PPHLN1: variants seen among roughly 807,000 people sequenced by gnomAD.
PPHLN1 encodes periphilin 1.
Under a neutral mutation model 51.3 loss-of-function variants are expected in PPHLN1, and 29 were observed. The ratio of observed to expected loss-of-function variants is 0.57; its 90% CI spans 0.42 to 0.77. The LOEUF is 0.77. PPHLN1 is among the 30% of genes least tolerant of loss of function. The pLI is 0.00. For missense variants in PPHLN1, 436 were observed against 438.4 expected, an observed-to-expected ratio of 0.99 and a Z score of 0.05; for synonymous variants, 147 against 147.8, an observed-to-expected ratio of 0.99 and a Z score of 0.04.
chr12:42,381,901 A>C (rs1380833015), intron 5 of PPHLN1, among the ~76,000 whole-genome samples: 1 of 152,218 alleles, frequency 6.6e-6, no homozygotes, highest in Non-Finnish European at 1.5e-5. Flanking sequence ...CTTGCACTCA[A>C]ATATACCTGT....
At chr12:42,442,587 T>G, downstream of PPHLN1, 2 of 1,610,638 alleles carry the variant, frequency 1.2e-6, no homozygotes, top group Non-Finnish European at 1.7e-6. Context: ...CCCTAGCCAT[T>G]CTTACACAAA....
At chr12:42,446,127 C>CGACACAGCTTCGTCGGA (rs1221554112), downstream of PPHLN1, 14 of 1,570,502 alleles carry the variant, frequency 8.9e-6, no homozygotes, top group Non-Finnish European at 1.2e-5. Context: ...GTTCGTCGGA[C>CGACACAGCTTCGTCGGA]GACACAGCTT....
intron 4 of PPHLN1, among the ~76,000 whole-genome samples, chr12:42,357,649 G>T (rs1018342198): frequency 6.6e-6 from 1 of 152,126 alleles, no homozygotes; most frequent in Non-Finnish European, 1.5e-5. Flanking sequence ...TTAAAAACTA[G>T]ATCAGCTAGT....
At chr12:42,354,670 A>ATCAG (rs953383274) in intron 3 of PPHLN1, among the ~76,000 whole-genome samples, 2 of 142,530 alleles carry the variant, frequency 1.4e-5, no homozygotes, top group African/African-American at 6.2e-5. Flanking sequence ...GATATAGATT[A>ATCAG]TCAATAAGTG....
chr12:42,330,497 C>T (rs2069546956), intron 1 of PPHLN1, among the ~76,000 whole-genome samples: 2 of 152,166 alleles, frequency 1.3e-5, no homozygotes, highest in Non-Finnish European at 2.9e-5. Flanking sequence ...CATTGTGCCC[C>T]TGGTTAATCG....
At chr12:42,432,398 T>C in intron 9 of PPHLN1, 1 of 753,356 alleles carries the variant, frequency 1.3e-6, no homozygotes, top group East Asian at 2.5e-5. Flanking sequence ...AACTTGCACA[T>C]TTCCAATGGT....
chr12:42,367,031 A>G (rs561367998), intron 4 of PPHLN1, among the ~76,000 whole-genome samples: 1 of 152,286 alleles, frequency 6.6e-6, no homozygotes, highest in Admixed American at 6.5e-5. Flanking sequence ...TCAGTTTCAC[A>G]AAATGTTGCA....
chr12:42,389,199 C>T (rs540277719), intron 7 of PPHLN1, among the ~76,000 whole-genome samples: 148 of 151,946 alleles, frequency 9.7e-4, no homozygotes, highest in African/African-American at 3.2e-3. Flanking sequence ...GGTGAAACCC[C>T]GTCTCTACTA....
chr12:42,399,493 T>G (rs773567850), intron 9 of PPHLN1: 102 of 857,282 alleles, frequency 1.2e-4, no homozygotes, highest in Non-Finnish European at 1.4e-4. Context: ...TGGGGTTATT[T>G]TCATTTTATG....
downstream of PPHLN1, chr12:42,446,520 G>T: frequency 1.3e-6 from 2 of 1,559,582 alleles, no homozygotes; most frequent in Non-Finnish European, 1.7e-6. Context: ...CACTCCTGGG[G>T]GTCGCTTCTT....
At chr12:42,335,726 T>A (rs1446248093) in intron 1 of PPHLN1, among the ~76,000 whole-genome samples, 157 bp from the exon 2 acceptor site, 1 of 151,510 alleles carries the variant, frequency 6.6e-6, no homozygotes, top group Non-Finnish European at 1.5e-5. Context: ...CTCAAAATTG[T>A]TTGGAAGAAA....
chr12:42,416,162 A>AAAATCTCGCCTCCTGTAC (rs1333868848), intron 9 of PPHLN1, among the ~76,000 whole-genome samples: 1 of 152,188 alleles, frequency 6.6e-6, no homozygotes, highest in African/African-American at 2.4e-5. Flanking sequence ...GTGTATTTTT[A>AAAATCTCGCCTCCTGTAC]AAATCTCGCC....
chr12:42,364,542 T>C (rs1266897895), intron 4 of PPHLN1, among the ~76,000 whole-genome samples: 1 of 152,080 alleles, frequency 6.6e-6, no homozygotes, highest in Non-Finnish European at 1.5e-5. Context: ...GAGAATTGCT[T>C]GAGCCTGGGA....
At chr12:42,425,596 C>T (rs548593735) in intron 9 of PPHLN1, among the ~76,000 whole-genome samples, 2 of 150,196 alleles carry the variant, frequency 1.3e-5, no homozygotes, top group African/African-American at 4.9e-5. Flanking sequence ...ACCATGTTGG[C>T]CAGGCTGGTC....
At chr12:42,332,840 C>A in intron 1 of PPHLN1, 1 of 515,786 alleles carries the variant, frequency 1.9e-6, no homozygotes, top group Non-Finnish European at 3.4e-6. Context: ...TCATTTATTA[C>A]AAAACCTTAT....
intron 5 of PPHLN1, among the ~76,000 whole-genome samples, chr12:42,376,525 G>A (rs2076277810): frequency 6.6e-6 from 1 of 152,194 alleles, no homozygotes; most frequent in Admixed American, 6.5e-5. Flanking sequence ...AGCAGCTCAT[G>A]CCTGTAATCC....
chr12:42,407,046 A>G (rs2079378362), intron 9 of PPHLN1, among the ~76,000 whole-genome samples: 2 of 152,172 alleles, frequency 1.3e-5, no homozygotes, highest in Admixed American at 6.5e-5. Context: ...ACTCCATTCC[A>G]TTGGTCTGTT....
rs559687690 is a variant in PPHLN1, at chr12:42,387,667, G to T, written c.648+132G>T. ...CTGCATTTAAAAACTTAAATTTTTG[G>T]CTAGGTGTGGTGGCTCATGCCTGTA... On this transcript the variant is annotated intron_variant, in intron 7 of 9. Coordinates refer to ENST00000358314, the MANE Select transcript of PPHLN1 (RefSeq NM_201439.2). 390 of 1,247,046 alleles carry T rather than the reference G, an allele frequency of 3.1e-4. 6 individuals carry two copies. Among genetic ancestry groups the T allele is most frequent in the Non-Finnish European group, 2.5e-5 (24 of 942,086 alleles). The allele number at this position is 1,247,046 out of a possible 1,614,324, so 77.2% of individuals were successfully genotyped here.
chr12:42,351,464 G>A (rs1056033249), intron 2 of PPHLN1: 2 of 152,376 alleles, frequency 1.3e-5, no homozygotes, highest in Non-Finnish European at 2.9e-5. Flanking sequence ...ATTAGCTGTT[G>A]CTTGTGGGTA....
Sources: allele counts gnomAD v4.1 joint callset (sites outside exome capture counted in the v4.1 genomes callset), GRCh38; gene constraint gnomAD v4.1.1; transcripts MANE v1.5; gene names NCBI Gene and HGNC (gene_info 2026-07-23, HGNC 2026-07-21).